Variants in NUP205 observed in about 807,000 individuals in gnomAD.
NUP205 encodes nucleoporin 205, also known as nuclear pore complex protein Nup205.
In NUP205, 76 loss-of-function variants were observed where a neutral mutation model predicts 253.8. The ratio of observed to expected loss-of-function variants is 0.30; its 90% confidence interval spans 0.25 to 0.36. The LOEUF is 0.36. NUP205 is among the 10% of genes least tolerant of loss of function. The pLI, the probability that NUP205 is intolerant of heterozygous loss-of-function variation, is 1.00. For synonymous variants in NUP205, 832 were observed against 850.1 expected (o/e 0.98, Z 0.37); for missense variants, 2,162 against 2,425.5 (o/e 0.89, Z 2.28).
intron 35 of NUP205, among the ~76,000 whole-genome samples, chr7:135,631,521 A>G (rs529416085): frequency 6.6e-6 from 1 of 152,272 alleles, no homozygotes; most frequent in African/African-American, 2.4e-5. Context: ...CTTCTTTTAC[A>G]CTTCCTCTTC....
At chr7:135,560,417 C>G (rs1319131903) in intron 1 of NUP205, among the ~76,000 whole-genome samples, 1 of 152,088 alleles carries the variant, frequency 6.6e-6, no homozygotes, top group East Asian at 1.9e-4. Flanking sequence ...AGCCTTGTGT[C>G]AGGAGTGTTT....
At chr7:135,601,321 A>G (rs531663131) in intron 16 of NUP205, 49 bp from the exon 17 acceptor site, 1 of 1,537,836 alleles carries the variant, frequency 6.5e-7, no homozygotes, top group African/African-American at 1.4e-5. Flanking sequence ...CAAGGGTGTG[A>G]CAAAAATACT....
chr7:135,583,268 AGTC>A (rs1407968027), intron 7 of NUP205, among the ~76,000 whole-genome samples: 1 of 152,192 alleles, frequency 6.6e-6, no homozygotes, highest in Non-Finnish European at 1.5e-5. Flanking sequence ...GCTGTGTAGT[AGTC>A]TTTTTCAAAG....
chr7:135,589,408 C>A (rs1283413154), intron 10 of NUP205, among the ~76,000 whole-genome samples: 1 of 150,794 alleles, frequency 6.6e-6, no homozygotes, highest in Non-Finnish European at 1.5e-5. Flanking sequence ...CCTGTCTCAG[C>A]CTCCCGAATA....
intron 13 of NUP205, among the ~76,000 whole-genome samples, chr7:135,596,896 G>A (rs958842379): frequency 6.6e-6 from 1 of 150,736 alleles, no homozygotes; most frequent in African/African-American, 2.4e-5. Flanking sequence ...GACGGAGGTT[G>A]CAGTGAGCCA....
rs200662632 is a variant in NUP205, at chr7:135,587,612, G to T, written c.1256G>T (p.Arg419Leu). The change falls in exon 9 of 43, where the codon CGA (arginine) becomes CTA (leucine). Residue 419 changes from arginine (R) to leucine (L), a missense_variant. By Grantham distance (102) the Arg-to-Leu change is moderately radical (BLOSUM62 -2). Around this residue, in one of 5 missense-constraint regions of NUP205, gnomAD observed 892 missense variants for 957.1 expected, o/e 0.93. Transcript: ENST00000285968. ...AGGAATCGGGCAGATGAAGATGCTC[G>T]AATGATTCACATGAGTATGCAGATG... ...QLRNRADEDA[R>L]MIHMSMQMGN... is the part of the protein sequence containing the mutation. 6.2e-7 allele frequency: 1 copy of T among 1,607,808 alleles called. No homozygotes were observed. The highest frequency in any genetic ancestry group is 1.7e-5 in the Admixed American group (1 of 59,108).
chr7:135,560,994 T>TA (rs1218333343), intron 1 of NUP205, among the ~76,000 whole-genome samples: 4 of 152,172 alleles, frequency 2.6e-5, no homozygotes, highest in South Asian at 2.1e-4. Context: ...ATTACAGTTT[T>TA]AAAAAATCAA....
At chr7:135,616,870 T>A (rs1410301548) in intron 25 of NUP205, 144 bp downstream of exon 25, 20 of 627,286 alleles carry the variant, frequency 3.2e-5, no homozygotes, top group Non-Finnish European at 4.8e-5. Flanking sequence ...CACCTGAAAA[T>A]TTTTTTTATA....
rs139881078 is a variant in NUP205 at position 135,597,931 on chromosome 7, G to A, written c.2065-67G>A. The A allele has an allele frequency of 7.8e-4, 944 of 1,216,916 alleles. 5 individuals carry two copies. The African/African-American group carries it at 0.012, about 16-fold the overall frequency. The allele number at this position is 1,216,916 out of a possible 1,614,324, so 75.4% of individuals were successfully genotyped here. A position where few individuals can be genotyped will look rare whatever the true frequency, so the allele number is the denominator to read the frequency against. On this transcript the variant is annotated intron_variant, in intron 14 of 42. Coordinates refer to ENST00000285968, the MANE Select transcript of NUP205 (RefSeq NM_015135.3). ...TAGCACTATTAATATGTTAATGTCTGCATAATACTCTTCACTTCATAGCTA... is the reference window on the plus strand; with the variant it reads ...TAGCACTATTAATATGTTAATGTCTACATAATACTCTTCACTTCATAGCTA...
chr7:135,581,540 A>G (rs1806303596), intron 7 of NUP205, among the ~76,000 whole-genome samples: 1 of 147,504 alleles, frequency 6.8e-6, no homozygotes, highest in African/African-American at 2.5e-5. Context: ...GTGAGATCAC[A>G]TCTCAAAAAA....
chr7:135,557,997 G>A (rs781283481), intron 1 of NUP205, 25 bp downstream of exon 1: 1 of 1,601,888 alleles, frequency 6.2e-7, no homozygotes, highest in Non-Finnish European at 8.6e-7. Context: ...ACAGAAAGAC[G>A]ATTGAGCTGA....
rs1303941459 is a variant in NUP205, at chr7:135,607,476, A to T, written c.3195+105A>T. 3 of 1,241,542 alleles carry T rather than the reference A, an allele frequency of 2.4e-6. No homozygotes were observed. The Admixed American group carries it at 8.4e-5, about 35-fold the overall frequency. 76.9% of individuals were successfully genotyped at this position (1,241,542 alleles called of 1,614,324 possible). On this transcript the variant is annotated intron_variant, in intron 22 of 42. Coordinates refer to ENST00000285968, the MANE Select transcript of NUP205 (RefSeq NM_015135.3). ...ATAACAGCAGGACTTAGTTGAAATG[A>T]GTTCATTTAGCAATTTGACCTGTCT...
chr7:135,578,925 T>G lies in NUP205; in HGVS notation c.1042+10T>G. The G allele has an allele frequency of 1.3e-6, 2 of 1,572,398 alleles. No individual in the cohort carries two copies. Among genetic ancestry groups the G allele is most frequent in the East Asian group, 2.3e-5 (1 of 44,262 alleles). On this transcript the variant is annotated intron_variant, in intron 7 of 42. Coordinates refer to ENST00000285968, the MANE Select transcript of NUP205 (RefSeq NM_015135.3). ...CTACCTGATGTGACAGGTGAATTGATTGTAGGTAATTTTGTTATGAGAAAC... is the reference window on the plus strand; with the variant it reads ...CTACCTGATGTGACAGGTGAATTGAGTGTAGGTAATTTTGTTATGAGAAAC...
chr7:135,602,951 A>C lies in NUP205; in HGVS notation c.2659A>C (p.Asn887His). ...TTTAGAACAGCTTTTGCAGGGAATT[A>C]ATCCCAGAACTAAGAAGGCAGATAA... ...CPLEQLLQGI[N>H]PRTKKADNVV... The change falls in exon 18 of 43, where the codon AAT (asparagine) becomes CAT (histidine). Residue 887 changes from asparagine to histidine, a missense_variant. Asn to His is a moderately conservative substitution (Grantham distance 68). This residue lies in a region of NUP205 where 892 missense variants were observed against 957.1 expected (regional missense o/e 0.93). Transcript: ENST00000285968. 6.2e-7 allele frequency: 1 copy of C among 1,613,700 alleles called. No individual in the cohort carries two copies. The highest frequency in any genetic ancestry group is 8.5e-7 in the Non-Finnish European group (1 of 1,179,736).
intron 1 of NUP205, among the ~76,000 whole-genome samples, chr7:135,560,498 T>C (rs1805555079): frequency 6.6e-6 from 1 of 152,174 alleles, no homozygotes; most frequent in Non-Finnish European, 1.5e-5. Flanking sequence ...CTAAACGTCT[T>C]AGGGAAGGAA....
intron 17 of NUP205, 60 bp downstream of exon 17, chr7:135,601,567 A>G: frequency 6.5e-7 from 1 of 1,539,770 alleles, no homozygotes; most frequent in Non-Finnish European, 8.8e-7. Context: ...TCTTTTGTAA[A>G]CTGAGAATTT....
intron 31 of NUP205, 76 bp downstream of exon 31, chr7:135,623,001 G>A: frequency 6.9e-7 from 1 of 1,454,598 alleles, no homozygotes. Context: ...TTCACGGCTG[G>A]GTGTGGTGCC....
At chr7:135,565,335 A>G (rs1283888865) in intron 1 of NUP205, among the ~76,000 whole-genome samples, 1 of 151,936 alleles carries the variant, frequency 6.6e-6, no homozygotes, top group East Asian at 1.9e-4. Flanking sequence ...TTCCCTTTAT[A>G]CCATGTGCCA....
In NUP205 at chr7:135,638,414, GA is replaced by G. The variant is rs372398905; in HGVS notation, c.5266-125del. On this transcript the variant is annotated intron_variant, in intron 37 of 42. Transcript: ENST00000285968. ...TGGGCAACAGAGGGAGACTCCATCT[GA>G]AAAAAAAAAAAAAAAAAGAATACAC... 70,467 of 453,150 alleles carry G rather than the reference GA, an allele frequency of 0.16. 44 individuals carry two copies. The highest frequency in any genetic ancestry group is 0.18 in the Middle Eastern group (282 of 1,554). 28.1% of individuals were successfully genotyped at this position (453,150 alleles called of 1,614,324 possible).
Sources: gnomAD v4.1 joint callset for allele counts (sites outside exome capture counted in the v4.1 genomes callset) on GRCh38, gnomAD v4.1.1 for gene constraint, gnomAD v4.1.1 regional missense constraint, MANE v1.5 for transcripts, NCBI Gene and HGNC (gene_info 2026-07-23, HGNC 2026-07-21) for gene names.